Variants in DCAF6 observed in about 807,000 individuals in gnomAD.
DCAF6 encodes DDB1 and CUL4 associated factor 6.
In DCAF6, 54 loss-of-function variants were observed where a neutral mutation model predicts 125.1. That is an observed-to-expected ratio of 0.43 (90% CI 0.35 to 0.54). The LOEUF is 0.54. Ranked by LOEUF, DCAF6 falls within the 20% of genes least tolerant of loss-of-function variation. DCAF6 has a pLI of 0.01. For missense variants in DCAF6, 934 were observed against 1,161.7 expected, an observed-to-expected ratio of 0.80 and a Z score of 2.85; for synonymous variants, 371 against 390.4, an observed-to-expected ratio of 0.95 and a Z score of 0.58.
At chr1:167,903,410 A>G in the DCAF6 span, among the ~76,000 whole-genome samples, 1 of 152,010 alleles carries the variant, frequency 6.6e-6, no homozygotes, top group Admixed American at 6.6e-5. Context: ...CTAAAAATAC[A>G]ACAATTAGAC....
chr1:167,882,921 G>A, the DCAF6 span, among the ~76,000 whole-genome samples: 72 of 152,366 alleles, frequency 4.7e-4, no homozygotes, highest in African/African-American at 1.7e-3. Flanking sequence ...GAGTGGTCAT[G>A]AGGATGAAAT....
chr1:168,015,115 T>C (rs2103171679), intron 10 of DCAF6, among the ~76,000 whole-genome samples: 1 of 152,348 alleles, frequency 6.6e-6, no homozygotes, highest in Non-Finnish European at 1.5e-5. Context: ...CAATGCCTCA[T>C]ACATAGAAGA....
At chr1:167,879,334 T>C in the DCAF6 span, among the ~76,000 whole-genome samples, 1 of 152,230 alleles carries the variant, frequency 6.6e-6, no homozygotes, top group East Asian at 1.9e-4. Context: ...AGCTGGCTGC[T>C]TGTAAGCCTT....
At chr1:167,937,477 C>T (rs979977707) in intron 1 of DCAF6, among the ~76,000 whole-genome samples, 1 of 152,162 alleles carries the variant, frequency 6.6e-6, no homozygotes, top group African/African-American at 2.4e-5. Flanking sequence ...AGGGACTTCA[C>T]GCTCCAGACA....
At chr1:167,935,608 A>G, upstream of DCAF6, 1 of 732,826 alleles carries the variant, frequency 1.4e-6, no homozygotes, top group East Asian at 2.7e-5. Flanking sequence ...AGACGGCTTC[A>G]CTTGAAGGGA....
the DCAF6 span, among the ~76,000 whole-genome samples, chr1:167,866,148 G>A: frequency 6.6e-6 from 1 of 152,190 alleles, no homozygotes; most frequent in Non-Finnish European, 1.5e-5. Context: ...CCTTTACTGG[G>A]CACTCTGCCG....
chr1:167,924,532 T>C, the DCAF6 span: 4 of 1,550,876 alleles, frequency 2.6e-6, no homozygotes, highest in Admixed American at 2.2e-5. Flanking sequence ...AAAACTGTTC[T>C]GGGACCTGAA....
chr1:167,995,553 G>A (rs1374793554), intron 7 of DCAF6, among the ~76,000 whole-genome samples: 1 of 151,834 alleles, frequency 6.6e-6, no homozygotes, highest in African/African-American at 2.4e-5. Context: ...GGTGGCAGGC[G>A]CCTGTAATCC....
chr1:167,974,830 G>T lies in DCAF6; in HGVS notation c.253G>T (p.Val85Phe). The change falls in exon 4 of 22, where the codon GTT (valine) becomes TTT (phenylalanine). Residue 85 changes from valine to phenylalanine, a missense_variant and splice_region_variant. Around this residue, in one of 5 missense-constraint regions of DCAF6, gnomAD observed 309 missense variants for 381.2 expected, o/e 0.81. Coordinates refer to ENST00000367840, the MANE Select transcript of DCAF6 (RefSeq NM_001198956.2). ...TAACTGCTTTCTTTGTGTGTTTTAG[G>T]TTTTGACAACAATTCGTTCAGGGCA... ...LVISNPYSRK[V>F]LTTIRSGHRA... 1 of 1,520,282 alleles carries T rather than the reference G, an allele frequency of 6.6e-7. No homozygotes were observed. The highest frequency in any genetic ancestry group is 8.8e-7 in the Non-Finnish European group (1 of 1,134,484). The allele number at this position is 1,520,282 out of a possible 1,614,324, so 94.2% of individuals were successfully genotyped here.
At chr1:167,979,397 G>A (rs1447311616) in intron 4 of DCAF6, among the ~76,000 whole-genome samples, 3 of 151,676 alleles carry the variant, frequency 2.0e-5, no homozygotes, top group African/African-American at 7.3e-5. Flanking sequence ...CTAGTCCCTG[G>A]CAACCATCAT....
the DCAF6 span, chr1:167,920,590 T>G: frequency 1.2e-6 from 2 of 1,613,944 alleles, no homozygotes. Flanking sequence ...TAAGTTTTTC[T>G]GCAGGTCTGG....
chr1:167,866,794 G>A, the DCAF6 span, among the ~76,000 whole-genome samples: 4,342 of 148,308 alleles, frequency 0.029, 86 homozygotes, highest in Middle Eastern at 0.069. Flanking sequence ...AAAAAAAAAT[G>A]GCAGTTGGAG....
At chr1:167,919,925 G>T in the DCAF6 span, 7 of 1,282,148 alleles carry the variant, frequency 5.5e-6, no homozygotes, top group African/African-American at 1.5e-5. Flanking sequence ...AAAAAAATTA[G>T]TGCCATCTAA....
chr1:167,882,222 T>C, the DCAF6 span, among the ~76,000 whole-genome samples: 12 of 152,164 alleles, frequency 7.9e-5, no homozygotes, highest in African/African-American at 2.4e-4. Context: ...CAGTGGCTCA[T>C]GCCTGTAATC....
intron 5 of DCAF6, among the ~76,000 whole-genome samples, chr1:167,988,010 T>A (rs1680259576): frequency 6.6e-6 from 1 of 152,104 alleles, no homozygotes; most frequent in Non-Finnish European, 1.5e-5. Context: ...TCTTTTTTTC[T>A]CCTGTCTTTT....
At chr1:168,051,559 A>T (rs959425524) in intron 17 of DCAF6, among the ~76,000 whole-genome samples, 2 of 152,238 alleles carry the variant, frequency 1.3e-5, no homozygotes, top group Non-Finnish European at 2.9e-5. Context: ...TCAACCTTGT[A>T]CTTAACTCTA....
rs1055554816 is a variant in DCAF6 at position 168,075,361 on chromosome 1, G to A, written c.2792-10G>A. On this transcript the variant is annotated splice_polypyrimidine_tract_variant and intron_variant, in intron 21 of 21. Coordinates refer to ENST00000367840, the MANE Select transcript of DCAF6 (RefSeq NM_001198956.2). ...ATTTCTCTTTGCGATTCTCTTATCT[G>A]TGTTTCCAGACCGGTTGGAGGGTGA... 1 of 1,591,220 alleles carries A rather than the reference G, an allele frequency of 6.3e-7. No homozygotes were observed. The highest frequency in any genetic ancestry group is 8.5e-7 in the Non-Finnish European group (1 of 1,174,396).
intron 2 of DCAF6, among the ~76,000 whole-genome samples, chr1:167,965,438 G>A (rs1212456525): frequency 6.6e-6 from 1 of 152,078 alleles, no homozygotes; most frequent in Non-Finnish European, 1.5e-5. Context: ...TTTTCTTAAG[G>A]GCAGATCTTG....
At chr1:167,883,130 C>G in the DCAF6 span, among the ~76,000 whole-genome samples, 1 of 152,242 alleles carries the variant, frequency 6.6e-6, no homozygotes, top group Non-Finnish European at 1.5e-5. Context: ...CTCCGCCTCT[C>G]AGGTTCAAGC....
Sources: allele counts gnomAD v4.1 joint callset (sites outside exome capture counted in the v4.1 genomes callset), GRCh38; gene constraint gnomAD v4.1.1; regional missense constraint gnomAD v4.1.1; transcripts MANE v1.5; gene names NCBI Gene and HGNC (gene_info 2026-07-23, HGNC 2026-07-21).